The following FGL1 variants were observed in gnomAD, a reference collection of about 807,000 sequenced individuals.
FGL1 encodes fibrinogen like 1.
Under a neutral mutation model 43.7 loss-of-function variants are expected in FGL1, and 59 were observed. The observed-to-expected ratio is 1.35, with a 90% CI of 1.10 to 1.68. The LOEUF (loss-of-function observed/expected upper bound fraction) is 1.68, where lower values mean the gene tolerates loss of function less well. Among genes scored for constraint, FGL1 ranks in the 40% most tolerant of loss-of-function variants. FGL1 has a pLI of 0.00. For synonymous variants in FGL1, 192 were observed against 126.5 expected, an observed-to-expected ratio of 1.52 and a Z score of -3.48; for missense variants, 596 against 373.0, an observed-to-expected ratio of 1.60 and a Z score of -4.92.
intron 1 of FGL1, among the ~76,000 whole-genome samples, chr8:17,886,711 T>A (rs573978616): frequency 6.6e-6 from 1 of 152,034 alleles, no homozygotes; most frequent in Non-Finnish European, 1.5e-5. Context: ...TGAGCCGAGA[T>A]CGTGCCAATG....
intron 3 of FGL1, among the ~76,000 whole-genome samples, chr8:17,877,982 G>C (rs1205563983): frequency 2.6e-5 from 4 of 151,914 alleles, no homozygotes; most frequent in African/African-American, 9.7e-5. Context: ...TTATTTATTT[G>C]AGACGGGTCT....
At chr8:17,878,621 A>T (rs184044817) in intron 3 of FGL1, among the ~76,000 whole-genome samples, 43 of 152,288 alleles carry the variant, frequency 2.8e-4, no homozygotes, top group African/African-American at 9.4e-4. Flanking sequence ...CAAATTCTTT[A>T]AAAAAAGATA....
At chr8:17,895,415 T>C (rs773219386) in intron 1 of FGL1, 32 bp downstream of exon 1, 1 of 1,276,120 alleles carries the variant, frequency 7.8e-7, no homozygotes, top group South Asian at 1.3e-5. Flanking sequence ...ATTACAAGCA[T>C]GTCAAAAATG....
rs759122923 is a variant in FGL1, at chr8:17,869,056, G to C, written c.503-52C>G. On this transcript the variant is annotated intron_variant, in intron 5 of 7. Transcript: ENST00000427924. ...TTTTAAAAATGTGTGACATGACACG[G>C]ACTACTGCGGTTTAAAAATAATTCA... 1,157 of 1,080,338 alleles carry C rather than the reference G, an allele frequency of 1.1e-3. 2 individuals carry two copies. The highest frequency in any genetic ancestry group is 1.4e-3 in the Non-Finnish European group (1,011 of 730,206). 66.9% of individuals were successfully genotyped at this position (1,080,338 alleles called of 1,614,324 possible). A position where few individuals can be genotyped will look rare whatever the true frequency, so the allele number is the denominator to read the frequency against.
In FGL1 at chr8:17,891,881, T is replaced by C. The variant is rs184563608; in HGVS notation, c.-18+3566A>G. On this transcript the variant is annotated intron_variant, in intron 1 of 7. Transcript: ENST00000427924. ...TAAACTTTTTTGTGATTTGCAAATA[T>C]GTCATGTCAATATGTAACAGCTTAT... is the stretch of plus-strand genomic sequence containing the variant. 9.0e-4 allele frequency: 627 copies of C among 696,036 alleles called. 4 individuals carry two copies. The African/African-American group carries it at 0.011, about 12-fold the overall frequency. 43.1% of individuals were successfully genotyped at this position (696,036 alleles called of 1,614,324 possible).
At chr8:17,874,893 G>A (rs1371795877) in intron 3 of FGL1, among the ~76,000 whole-genome samples, 1 of 151,278 alleles carries the variant, frequency 6.6e-6, no homozygotes, top group Non-Finnish European at 1.5e-5. Context: ...TCCCACCACA[G>A]ACTCCCAAAG....
chr8:17,869,440 G>A (rs1366625416), intron 5 of FGL1, among the ~76,000 whole-genome samples: 1 of 152,148 alleles, frequency 6.6e-6, no homozygotes, highest in African/African-American at 2.4e-5. Context: ...TAGTAGCTGA[G>A]CCACTAGGTT....
intron 7 of FGL1, among the ~76,000 whole-genome samples, chr8:17,867,310 A>G (rs2053284117): frequency 2.0e-5 from 3 of 152,230 alleles, no homozygotes; most frequent in South Asian, 2.1e-4. Context: ...ATATAGATTC[A>G]AAAGAACCAC....
At chr8:17,874,555 ATG>A (rs1168143771) in intron 3 of FGL1, 34 bp from the exon 4 acceptor site, 2 of 1,572,986 alleles carry the variant, frequency 1.3e-6, no homozygotes, top group Non-Finnish European at 1.7e-6. Context: ...AACATTCATT[ATG>A]TGTCTTTTTC....
At chr8:17,874,957 C>T (rs1240056008) in intron 3 of FGL1, among the ~76,000 whole-genome samples, 1 of 151,240 alleles carries the variant, frequency 6.6e-6, no homozygotes, top group Non-Finnish European at 1.5e-5. Flanking sequence ...TTGTAGAAAA[C>T]AATCTTAAAA....
At chr8:17,871,514 A>C (rs1255749401) in intron 5 of FGL1, among the ~76,000 whole-genome samples, 3 of 151,998 alleles carry the variant, frequency 2.0e-5, no homozygotes, top group Admixed American at 6.6e-5. Context: ...AAAAAAAAAA[A>C]ACTTCTATTA....
At chr8:17,868,769 G>A in intron 6 of FGL1, 34 bp from the exon 7 acceptor site, 3 of 1,578,026 alleles carry the variant, frequency 1.9e-6, no homozygotes, top group Non-Finnish European at 2.6e-6. Flanking sequence ...TGTCAGTGGA[G>A]TTCCTCTATG....
rs751964851 is a variant in FGL1, at chr8:17,864,472, G to C, written c.*120C>G. 1.0e-5 allele frequency: 11 copies of C among 1,060,778 alleles called. No individual in the cohort carries two copies. The highest frequency in any genetic ancestry group is 1.5e-5 in the Non-Finnish European group (11 of 755,000). 65.7% of individuals were successfully genotyped at this position (1,060,778 alleles called of 1,614,324 possible). A position where few individuals can be genotyped will look rare whatever the true frequency, so the allele number is the denominator to read the frequency against. Reference sequence around the variant, plus strand: ...ATTAAGTAACAAAGGCAAGTGAGAAGAATGAAAAGCACTACTCACAACAGT... The same window carrying C: ...ATTAAGTAACAAAGGCAAGTGAGAACAATGAAAAGCACTACTCACAACAGT... On this transcript the variant is annotated 3_prime_UTR_variant, in exon 8 of 8. Transcript: ENST00000427924.
intron 1 of FGL1, among the ~76,000 whole-genome samples, chr8:17,887,644 G>A (rs1175535063): frequency 6.6e-6 from 1 of 152,114 alleles, no homozygotes; most frequent in Non-Finnish European, 1.5e-5. Context: ...AGGCCAGCAT[G>A]GCCAACATAG....
intron 1 of FGL1, among the ~76,000 whole-genome samples, chr8:17,889,550 AAAC>A (rs921497641): frequency 2.0e-5 from 3 of 152,174 alleles, no homozygotes; most frequent in African/African-American, 7.2e-5. Flanking sequence ...ACTCCACCTC[AAAC>A]AACAACAACA....
intron 2 of FGL1, among the ~76,000 whole-genome samples, chr8:17,884,942 T>C (rs1443250817): frequency 1.3e-5 from 2 of 152,184 alleles, no homozygotes; most frequent in East Asian, 1.9e-4. Context: ...TTAATTACTA[T>C]GGACAGTTTC....
intron 3 of FGL1, among the ~76,000 whole-genome samples, chr8:17,875,529 T>TTCTCTCTCTC (rs1563452314): frequency 2.6e-4 from 3 of 11,642 alleles, no homozygotes; most frequent in Non-Finnish European, 5.7e-4. Context: ...CTTTCTTTCT[T>TTCTCTCTCTC]TCTTTCTCTT....
At chr8:17,885,687 T>C (rs1048252371) in intron 1 of FGL1, 116 bp from the exon 2 acceptor site, 3 of 743,452 alleles carry the variant, frequency 4.0e-6, no homozygotes, top group African/African-American at 3.6e-5. Flanking sequence ...TCCCTAATCT[T>C]AGAGTCGCCG....
chr8:17,875,900 C>G (rs999896980), intron 3 of FGL1, among the ~76,000 whole-genome samples: 1 of 152,120 alleles, frequency 6.6e-6, no homozygotes, highest in Non-Finnish European at 1.5e-5. Flanking sequence ...GCCACCACAC[C>G]CTGCCAAATG....
Sources: allele counts gnomAD v4.1 joint callset (sites outside exome capture counted in the v4.1 genomes callset), GRCh38; gene constraint gnomAD v4.1.1; transcripts MANE v1.5; gene names NCBI Gene and HGNC (gene_info 2026-07-23, HGNC 2026-07-21).